MYH16: variants seen among roughly 807,000 people sequenced by gnomAD.
MYH16 encodes putative uncharacterized protein MYH16.
intron 20 of MYH16, among the ~76,000 whole-genome samples, chr7:99,276,578 CG>C (rs1353893633): frequency 6.6e-6 from 1 of 152,222 alleles, no homozygotes; most frequent in African/African-American, 2.4e-5. Flanking sequence ...ATGGGTGCTG[CG>C]GGTGCAGAGC....
chr7:99,255,359 G>A (rs1056747881), intron 8 of MYH16, among the ~76,000 whole-genome samples: 1 of 151,740 alleles, frequency 6.6e-6, no homozygotes, highest in African/African-American at 2.4e-5. Flanking sequence ...GAGGCAGGCA[G>A]ATCACTTAAG....
intron 33 of MYH16, among the ~76,000 whole-genome samples, chr7:99,295,196 C>T (rs1032929822): frequency 5.3e-5 from 8 of 151,870 alleles, no homozygotes; most frequent in East Asian, 1.9e-4. Context: ...CTGGGCAACT[C>T]GGTGAAATCC....
intron 18 of MYH16, among the ~76,000 whole-genome samples, chr7:99,268,411 C>G (rs978919608): frequency 6.6e-6 from 1 of 152,242 alleles, no homozygotes; most frequent in East Asian, 1.9e-4. Context: ...CAGAGCTAGT[C>G]GGCATAAGGC....
intron 1 of MYH16, among the ~76,000 whole-genome samples, chr7:99,239,530 G>GCC (rs1563100782): frequency 1.3e-5 from 2 of 152,074 alleles, no homozygotes; most frequent in African/African-American, 4.8e-5. Context: ...TGGAGCATGG[G>GCC]GGTGGTGTGC....
chr7:99,278,008 G>C (rs1443787693), intron 21 of MYH16, among the ~76,000 whole-genome samples: 2 of 151,930 alleles, frequency 1.3e-5, no homozygotes, highest in East Asian at 3.9e-4. Context: ...GCCCAGGCTG[G>C]AGTGAAGTGG....
At chr7:99,274,482 C>T (rs1262757723) in intron 20 of MYH16, among the ~76,000 whole-genome samples, 3 of 152,188 alleles carry the variant, frequency 2.0e-5, no homozygotes, top group Non-Finnish European at 4.4e-5. Context: ...ACAATCAGCA[C>T]CCACCACAGA....
chr7:99,253,555 C>G (rs936945118), intron 7 of MYH16: 1 of 151,798 alleles, frequency 6.6e-6, no homozygotes, highest in East Asian at 1.9e-4. Context: ...TCCCAGGACT[C>G]CCCCCGTGGC....
At chr7:99,250,996 C>A (rs1309871186) in intron 5 of MYH16, 2 of 153,326 alleles carry the variant, frequency 1.3e-5, no homozygotes, top group Non-Finnish European at 2.9e-5. Flanking sequence ...GGGTTCCCAG[C>A]ACATGAGCCA....
At chr7:99,255,647 G>C (rs1182900278) in exon 9 of MYH16, 1 of 153,078 alleles carries the variant, frequency 6.5e-6, no homozygotes, top group African/African-American at 2.4e-5. Context: ...CACCACTGTG[G>C]ACAACATGGA....
chr7:99,291,974 T>C (rs1412311529), intron 31 of MYH16, among the ~76,000 whole-genome samples: 2 of 152,140 alleles, frequency 1.3e-5, no homozygotes, highest in African/African-American at 4.8e-5. Flanking sequence ...GGTATGGTGT[T>C]GTATACCTAT....
exon 12 of MYH16, chr7:99,260,304 C>T (rs1791925186): frequency 6.8e-7 from 1 of 1,471,340 alleles, no homozygotes. Flanking sequence ...TTGGCCTCGA[C>T]CTTCAGGCCT....
chr7:99,283,477 A>G (rs2150822366), intron 23 of MYH16, 88 bp from the exon 6 acceptor site: 1 of 438,140 alleles, frequency 2.3e-6, no homozygotes, highest in Admixed American at 2.5e-5. Flanking sequence ...TGGGAGCTGC[A>G]TAGCTCAGAA....
intron 32 of MYH16, among the ~76,000 whole-genome samples, chr7:99,293,010 G>T (rs1792413610): frequency 6.6e-6 from 1 of 151,900 alleles, no homozygotes; most frequent in African/African-American, 2.4e-5. Context: ...AATAAGGGGG[G>T]ACATGAAAGT....
At chr7:99,264,308 G>A (rs781126668) in exon 15 of MYH16, 4 of 152,634 alleles carry the variant, frequency 2.6e-5, no homozygotes, top group African/African-American at 4.8e-5. Flanking sequence ...ATTTCTACAG[G>A]GTGAGCAGGG....
downstream of MYH16, among the ~76,000 whole-genome samples, chr7:99,307,734 A>G (rs1792702034): frequency 6.6e-6 from 1 of 152,000 alleles, no homozygotes; most frequent in Non-Finnish European, 1.5e-5. Context: ...TCAAAATACT[A>G]GTTTTATTTA....
At chr7:99,256,187 C>T (rs1337832076) in intron 9 of MYH16, among the ~76,000 whole-genome samples, 1 of 148,404 alleles carries the variant, frequency 6.7e-6, no homozygotes, top group Admixed American at 6.9e-5. Context: ...ACCTGTAATC[C>T]CAGTGCTTTG....
intron 4 of MYH16, among the ~76,000 whole-genome samples, chr7:99,249,554 A>G (rs962696866): frequency 6.6e-6 from 1 of 150,472 alleles, no homozygotes; most frequent in Non-Finnish European, 1.5e-5. Context: ...AAAAAAAAAA[A>G]AAGAAAAGAA....
chr7:99,275,786 G>A (rs150502227), intron 20 of MYH16, among the ~76,000 whole-genome samples: 144 of 152,316 alleles, frequency 9.5e-4, no homozygotes, highest in Non-Finnish European at 1.3e-3. Context: ...AGGCTGGAGC[G>A]CAGGGGCATG....
Position 99,268,667 on chromosome 7 carries a change from G to C in MYH16, n.2266+1693G>C, listed in dbSNP as rs561417462. On this transcript the variant is annotated intron_variant and non_coding_transcript_variant, in intron 18 of 41. Coordinates refer to ENST00000439784, the Ensembl canonical transcript of MYH16. ...AACAGGATGGTTCTGACTGCAAATGGTGTTCCTATGTTTGGAGTTGGCTCA... is the reference window on the plus strand; with the variant it reads ...AACAGGATGGTTCTGACTGCAAATGCTGTTCCTATGTTTGGAGTTGGCTCA... Among the ~76,000 whole-genome samples the C allele has an allele frequency of 2.6e-5, 4 of 152,358 alleles. No homozygotes were observed. In the South Asian group the frequency reaches 8.3e-4, roughly 32 times the overall value.
Sources: allele counts gnomAD v4.1 joint callset (sites outside exome capture counted in the v4.1 genomes callset), GRCh38; gene constraint gnomAD v4.1.1; transcripts MANE v1.5; gene names NCBI Gene and HGNC (gene_info 2026-07-23, HGNC 2026-07-21).